The following RAB27A variants were observed in gnomAD, a reference collection of about 807,000 sequenced individuals.
The protein encoded by RAB27A is RAB27A, member RAS oncogene family.
Under a neutral mutation model 20.8 loss-of-function variants are expected in RAB27A, and 17 were observed. The ratio of observed to expected loss-of-function variants is 0.82; its 90% CI spans 0.56 to 1.23. The LOEUF is 1.23. Among genes scored for constraint, RAB27A ranks in the 50% most tolerant of loss-of-function variants. RAB27A has a pLI of 0.00. For missense variants in RAB27A, 277 were observed against 266.7 expected, an observed-to-expected ratio of 1.04 and a Z score of -0.27; for synonymous variants, 85 against 92.8, an observed-to-expected ratio of 0.92 and a Z score of 0.48.
intron 2 of RAB27A, among the ~76,000 whole-genome samples, chr15:55,263,642 A>G (rs1897354941): frequency 6.6e-6 from 1 of 152,212 alleles, no homozygotes; most frequent in Admixed American, 6.5e-5. Context: ...GCATTCTGTA[A>G]TTCAACACTG....
chr15:55,271,532 C>T (rs1433737127), intron 1 of RAB27A, among the ~76,000 whole-genome samples: 3 of 152,224 alleles, frequency 2.0e-5, no homozygotes, highest in African/African-American at 7.2e-5. Context: ...AGCTCCTTGG[C>T]TCCTTGTGCC....
chr15:55,264,576 A>T (rs1897394046), intron 2 of RAB27A, among the ~76,000 whole-genome samples: 1 of 152,198 alleles, frequency 6.6e-6, no homozygotes, highest in African/African-American at 2.4e-5. Context: ...AACACATAGG[A>T]AAGTATTTCC....
At chr15:55,293,747 T>C (rs2054934958), upstream of RAB27A, among the ~76,000 whole-genome samples, 1 of 152,018 alleles carries the variant, frequency 6.6e-6, no homozygotes, top group African/African-American at 2.4e-5. Flanking sequence ...GCGAAACCCG[T>C]CTCTACTAAA....
chr15:55,309,303 T>G (rs1467016511), intron 2 of RAB27A, among the ~76,000 whole-genome samples: 1 of 152,226 alleles, frequency 6.6e-6, no homozygotes, highest in Non-Finnish European at 1.5e-5. Context: ...AGGGCCCTGG[T>G]GCCTTTGGAT....
intron 6 of RAB27A, among the ~76,000 whole-genome samples, chr15:55,210,238 T>C (rs1170131080): frequency 1.3e-5 from 2 of 148,204 alleles, no homozygotes; most frequent in Non-Finnish European, 3.0e-5. Context: ...TACACACATA[T>C]ATATTAGTGG....
intron 2 of RAB27A, among the ~76,000 whole-genome samples, chr15:55,308,300 C>T (rs1188993041): frequency 6.6e-6 from 1 of 152,176 alleles, no homozygotes; most frequent in Non-Finnish European, 1.5e-5. Flanking sequence ...GGTGTTCCCT[C>T]AGAAATTAGG....
intron 2 of RAB27A, among the ~76,000 whole-genome samples, chr15:55,260,292 GCT>G (rs1304345187): frequency 1.3e-5 from 2 of 152,300 alleles, no homozygotes; most frequent in Non-Finnish European, 2.9e-5. Flanking sequence ...AACATCAAAT[GCT>G]GGTGAGGATG....
At chr15:55,312,201 C>G (rs1194776690) in intron 2 of RAB27A, among the ~76,000 whole-genome samples, 1 of 152,180 alleles carries the variant, frequency 6.6e-6, no homozygotes, top group Admixed American at 6.5e-5. Flanking sequence ...CCTGCTGGAT[C>G]CGGAGGGATG....
At chr15:55,281,315 C>A (rs1187195631) in intron 1 of RAB27A, among the ~76,000 whole-genome samples, 4 of 152,184 alleles carry the variant, frequency 2.6e-5, no homozygotes, top group Non-Finnish European at 4.4e-5. Flanking sequence ...CCTGGCTATT[C>A]TTCCGAAAGG....
chr15:55,241,600 T>TTCTATATATATATATATATGTG, intron 2 of RAB27A, among the ~76,000 whole-genome samples: 1 of 123,876 alleles, frequency 8.1e-6, no homozygotes, highest in African/African-American at 4.3e-5. Context: ...CAAGACCTAT[T>TTCTATATATATATATATATGTG]TATATATATA....
chr15:55,289,627 C>A (rs1369589533), intron 1 of RAB27A, 89 bp downstream of exon 1: 1 of 152,898 alleles, frequency 6.5e-6, no homozygotes, highest in African/African-American at 2.4e-5. Flanking sequence ...CGGACCCCAG[C>A]CCTAGGACGG....
chr15:55,262,317 G>A (rs1897298072), intron 2 of RAB27A, among the ~76,000 whole-genome samples: 2 of 151,944 alleles, frequency 1.3e-5, no homozygotes, highest in African/African-American at 2.4e-5. Context: ...CAAGGTGGGC[G>A]AATCACAATG....
intron 6 of RAB27A, among the ~76,000 whole-genome samples, chr15:55,218,696 C>G (rs1895425178): frequency 6.6e-6 from 1 of 151,924 alleles, no homozygotes; most frequent in Non-Finnish European, 1.5e-5. Context: ...TTTCTTTGCA[C>G]AGTACACAAA....
At chr15:55,243,357 G>A (rs973552010) in intron 2 of RAB27A, among the ~76,000 whole-genome samples, 7 of 151,956 alleles carry the variant, frequency 4.6e-5, no homozygotes, top group African/African-American at 7.3e-5. Context: ...TTTTCCTCTC[G>A]AATAAGATTA....
intron 3 of RAB27A, among the ~76,000 whole-genome samples, chr15:55,230,920 A>G (rs1317695652): frequency 6.6e-6 from 1 of 152,096 alleles, no homozygotes; most frequent in Non-Finnish European, 1.5e-5. Context: ...TTCATCACCC[A>G]AACAGTGAAT....
At chr15:55,288,244 G>A (rs1019047701) in intron 1 of RAB27A, among the ~76,000 whole-genome samples, 2 of 152,074 alleles carry the variant, frequency 1.3e-5, no homozygotes, top group Non-Finnish European at 1.5e-5. Context: ...AAATAGGCTC[G>A]GTGCAGTGGC....
chr15:55,282,467 T>C (rs1007789365), intron 1 of RAB27A, among the ~76,000 whole-genome samples: 4 of 152,168 alleles, frequency 2.6e-5, no homozygotes, highest in African/African-American at 9.7e-5. Context: ...GGATGATGAC[T>C]CAGGGTGAGG....
intron 5 of RAB27A, among the ~76,000 whole-genome samples, chr15:55,225,390 CAAGGT>C (rs1282248805): frequency 6.6e-6 from 1 of 152,146 alleles, no homozygotes. Flanking sequence ...TTTATACAGT[CAAGGT>C]AAGGATTAAA....
intron 2 of RAB27A, among the ~76,000 whole-genome samples, chr15:55,247,262 G>C (rs971245258): frequency 6.6e-6 from 1 of 152,038 alleles, no homozygotes; most frequent in African/African-American, 2.4e-5. Flanking sequence ...AAAAGCTTTG[G>C]TTATCTCAGA....
Sources: gnomAD v4.1 joint callset for allele counts (sites outside exome capture counted in the v4.1 genomes callset) on GRCh38, gnomAD v4.1.1 for gene constraint, MANE v1.5 for transcripts, NCBI Gene and HGNC (gene_info 2026-07-23, HGNC 2026-07-21) for gene names.